Variants in WDR27 observed in about 807,000 individuals in gnomAD.
WDR27 encodes the protein WD repeat domain 27.
In WDR27, 100 loss-of-function variants were observed where a neutral mutation model predicts 114.4. The ratio of observed to expected loss-of-function variants is 0.87; its 90% CI spans 0.74 to 1.03. The LOEUF (loss-of-function observed/expected upper bound fraction) is 1.03. Among genes scored for constraint, WDR27 ranks in the 50% least tolerant of loss-of-function variants. WDR27 has a pLI of 0.00. For synonymous variants in WDR27, 449 were observed against 423.1 expected (o/e 1.06, Z -0.75); for missense variants, 1,129 against 1,092.9 (o/e 1.03, Z -0.47).
intron 23 of WDR27, 70 bp from the exon 24 acceptor site, chr6:169,583,004 C>A: frequency 7.4e-7 from 1 of 1,342,738 alleles, no homozygotes. Flanking sequence ...CTAGGCAGAG[C>A]AGAGGGACCA....
intron 25 of WDR27, among the ~76,000 whole-genome samples, chr6:169,483,490 A>G (rs1788473485): frequency 6.6e-6 from 1 of 152,196 alleles, no homozygotes; most frequent in African/African-American, 2.4e-5. Flanking sequence ...TGAACCAATA[A>G]CAAGTTCTGA....
intron 25 of WDR27, among the ~76,000 whole-genome samples, chr6:169,533,754 T>C (rs139493723): frequency 3.9e-5 from 6 of 152,138 alleles, no homozygotes; most frequent in Non-Finnish European, 8.8e-5. Flanking sequence ...CCCAAAACTC[T>C]CAAGGAAGGT....
chr6:169,633,474 C>T (rs9478080), intron 20 of WDR27, among the ~76,000 whole-genome samples: 1 of 152,294 alleles, frequency 6.6e-6, no homozygotes, highest in South Asian at 2.1e-4. Flanking sequence ...GAATGGGTGA[C>T]AGCACCTGGG....
chr6:169,609,515 C>T (rs567359450), intron 22 of WDR27, among the ~76,000 whole-genome samples: 1 of 152,274 alleles, frequency 6.6e-6, no homozygotes, highest in South Asian at 2.1e-4. Context: ...GAAGCCATGG[C>T]ATGAGCTCTA....
intron 25 of WDR27, among the ~76,000 whole-genome samples, chr6:169,553,459 A>G (rs562415715): frequency 2.7e-4 from 41 of 152,310 alleles, no homozygotes; most frequent in Admixed American, 2.4e-3. Context: ...GAGTGCCACA[A>G]AAGTGTCATA....
the WDR27 span, among the ~76,000 whole-genome samples, chr6:169,445,436 G>A: frequency 6.6e-6 from 1 of 152,170 alleles, no homozygotes; most frequent in Non-Finnish European, 1.5e-5. Flanking sequence ...CAACCAGGCT[G>A]TAAATGCCAC....
intron 25 of WDR27, among the ~76,000 whole-genome samples, chr6:169,550,970 C>T (rs900171580): frequency 6.6e-6 from 1 of 152,118 alleles, no homozygotes; most frequent in African/African-American, 2.4e-5. Context: ...CCTACCTCGG[C>T]CTCTCAAAGT....
chr6:169,638,808 A>G (rs921559245), intron 17 of WDR27, 148 bp from the exon 18 acceptor site: 4 of 944,888 alleles, frequency 4.2e-6, no homozygotes, highest in African/African-American at 1.6e-5. Context: ...TCCTCGCCAC[A>G]GTGAGGCTGC....
intron 23 of WDR27, among the ~76,000 whole-genome samples, chr6:169,602,000 ATAAT>A (rs1053074973): frequency 1.4e-4 from 22 of 152,254 alleles, no homozygotes; most frequent in Non-Finnish European, 2.8e-4. Flanking sequence ...GAAATGATTA[ATAAT>A]TAATTCATGA....
intron 16 of WDR27, among the ~76,000 whole-genome samples, chr6:169,646,675 G>A (rs1268027702): frequency 6.6e-6 from 1 of 151,482 alleles, no homozygotes; most frequent in Non-Finnish European, 1.5e-5. Context: ...TTGAACCCAG[G>A]AGGCGGAGAT....
chr6:169,465,126 C>T (rs530611888), intron 25 of WDR27, among the ~76,000 whole-genome samples: 115 of 152,102 alleles, frequency 7.6e-4, no homozygotes, highest in South Asian at 5.2e-3. Context: ...GGTGTGGGGG[C>T]GCATGCCTGT....
intron 25 of WDR27, among the ~76,000 whole-genome samples, chr6:169,487,173 G>A (rs1159668625): frequency 6.6e-6 from 1 of 152,186 alleles, no homozygotes; most frequent in Non-Finnish European, 1.5e-5. Context: ...TCTTCGGAGG[G>A]TTCATGTGAG....
intron 25 of WDR27, among the ~76,000 whole-genome samples, chr6:169,541,667 A>G (rs1796869454): frequency 6.6e-6 from 1 of 152,222 alleles, no homozygotes; most frequent in Admixed American, 6.5e-5. Context: ...ATTTTCAGCA[A>G]AAGGACTGAT....
At chr6:169,612,631 T>TAAAAAAAAAAA (rs59134868) in intron 22 of WDR27, among the ~76,000 whole-genome samples, 6 of 97,036 alleles carry the variant, frequency 6.2e-5, no homozygotes, top group Admixed American at 1.4e-4. Flanking sequence ...CTGTCTAACA[T>TAAAAAAAAAAA]AAAAAAAAAA....
chr6:169,466,916 T>G (rs1433821396), intron 25 of WDR27, among the ~76,000 whole-genome samples: 1 of 152,194 alleles, frequency 6.6e-6, no homozygotes, highest in African/African-American at 2.4e-5. Context: ...CCCTTTGACC[T>G]ATGAGACTGT....
chr6:169,596,063 A>G (rs182130019), intron 23 of WDR27, among the ~76,000 whole-genome samples: 9 of 152,254 alleles, frequency 5.9e-5, no homozygotes, highest in Admixed American at 1.3e-4. Context: ...TAATGTTTAT[A>G]GTCAAATAGA....
intron 1 of WDR27, among the ~76,000 whole-genome samples, chr6:169,699,008 T>A (rs1787066470): frequency 6.6e-6 from 1 of 152,008 alleles, no homozygotes; most frequent in Admixed American, 6.6e-5. Context: ...CAGAAACAAA[T>A]TCAGGAGGGG....
chr6:169,526,350 C>T (rs1229188134), intron 25 of WDR27, among the ~76,000 whole-genome samples: 1 of 152,128 alleles, frequency 6.6e-6, no homozygotes, highest in Non-Finnish European at 1.5e-5. Flanking sequence ...CGGTGGCTCG[C>T]ACCTGTAATC....
intron 22 of WDR27, among the ~76,000 whole-genome samples, chr6:169,612,156 G>A (rs9478077): frequency 0.74 from 111,726 of 151,426 alleles, 43,305 homozygotes; most frequent in Non-Finnish European, 0.87. Context: ...AACAGGCTGG[G>A]CACGGTGGCT....
Sources: gnomAD v4.1 joint callset for allele counts (sites outside exome capture counted in the v4.1 genomes callset) on GRCh38, gnomAD v4.1.1 for gene constraint, MANE v1.5 for transcripts, NCBI Gene and HGNC (gene_info 2026-07-23, HGNC 2026-07-21) for gene names.